Variants in MGAT4C observed in about 807,000 individuals in gnomAD.
MGAT4C encodes the protein MGAT4 family member C, also known as alpha-1,3-mannosyl-glycoprotein 4-beta-N-acetylglucosaminyltransferase C.
Under a neutral mutation model 40.1 loss-of-function variants are expected in MGAT4C, and 19 were observed. The ratio of observed to expected loss-of-function variants is 0.47; its 90% CI spans 0.33 to 0.70. MGAT4C has a LOEUF of 0.70. Ranked by LOEUF, MGAT4C falls within the 30% of genes least tolerant of loss-of-function variation. The pLI is 0.02. For missense variants in MGAT4C, 491 were observed against 563.2 expected, an observed-to-expected ratio of 0.87 and a Z score of 1.30; for synonymous variants, 181 against 187.1, an observed-to-expected ratio of 0.97 and a Z score of 0.27.
intron 2 of MGAT4C, among the ~76,000 whole-genome samples, chr12:86,573,933 CA>C (rs1471834564): frequency 6.6e-6 from 1 of 151,830 alleles, no homozygotes; most frequent in Non-Finnish European, 1.5e-5. Context: ...ATCTTCAAAG[CA>C]ACAAACTTGT....
chr12:86,049,197 C>T (rs987725496), intron 2 of MGAT4C, among the ~76,000 whole-genome samples: 1 of 151,960 alleles, frequency 6.6e-6, no homozygotes, highest in East Asian at 1.9e-4. Context: ...CAAAACTACT[C>T]ATTAACACAA....
At chr12:86,391,306 T>G (rs1956156268) in intron 3 of MGAT4C, among the ~76,000 whole-genome samples, 1 of 152,228 alleles carries the variant, frequency 6.6e-6, no homozygotes, top group Admixed American at 6.5e-5. Flanking sequence ...CTTACCTGAT[T>G]GGTACTGAGC....
chr12:86,825,064 A>G (rs752557586), intron 1 of MGAT4C, among the ~76,000 whole-genome samples: 1 of 151,376 alleles, frequency 6.6e-6, no homozygotes, highest in African/African-American at 2.4e-5. Context: ...CTAGAGTAGG[A>G]AGGAATTTAT....
intron 3 of MGAT4C, among the ~76,000 whole-genome samples, chr12:86,384,979 C>A (rs1002448005): frequency 1.3e-5 from 2 of 152,172 alleles, no homozygotes; most frequent in Admixed American, 1.3e-4. Flanking sequence ...TTCTCCTAAC[C>A]CCCATCTTTG....
chr12:86,276,645 T>C (rs1290969741), intron 4 of MGAT4C, among the ~76,000 whole-genome samples: 1 of 152,208 alleles, frequency 6.6e-6, no homozygotes, highest in East Asian at 1.9e-4. Context: ...GTTCAATCAT[T>C]TTAATTTTTA....
At chr12:86,796,391 G>T (rs1156730433) in intron 1 of MGAT4C, among the ~76,000 whole-genome samples, 2 of 151,996 alleles carry the variant, frequency 1.3e-5, no homozygotes, top group Non-Finnish European at 1.5e-5. Context: ...ATATTCTAAA[G>T]AAGAAAGTCT....
At chr12:86,199,450 T>C (rs1171490759) in intron 1 of MGAT4C, among the ~76,000 whole-genome samples, 1 of 152,156 alleles carries the variant, frequency 6.6e-6, no homozygotes, top group Non-Finnish European at 1.5e-5. Context: ...TGTATTTTTT[T>C]AAGTTTTAAA....
rs75569442 is a variant in MGAT4C, at chr12:86,543,503, T to A, written c.-228-108238A>T. On this transcript the variant is annotated intron_variant, in intron 2 of 7. Coordinates refer to the MGAT4C transcript ENST00000548651. ...AGCTATCTTTGAGGGTTTTTTTAAA[T>A]AGAAGTGTTGGAATTACATATCTAC... Among the ~76,000 whole-genome samples, 215 of 152,156 alleles carry A rather than the reference T, an allele frequency of 1.4e-3. 8 individuals carry two copies. In the East Asian group the frequency reaches 0.039, roughly 27 times the overall value.
chr12:86,616,709 T>A (rs1262592721), intron 2 of MGAT4C, among the ~76,000 whole-genome samples: 3 of 152,058 alleles, frequency 2.0e-5, no homozygotes, highest in African/African-American at 4.8e-5. Context: ...GTTTCTTTTT[T>A]TTTTTTTCTT....
At chr12:86,074,051 C>T (rs1279655836) in intron 1 of MGAT4C, among the ~76,000 whole-genome samples, 1 of 151,900 alleles carries the variant, frequency 6.6e-6, no homozygotes, top group African/African-American at 2.4e-5. Context: ...ATCATGGGGG[C>T]CAGTTTTTCT....
chr12:85,980,301 G>C lies in MGAT4C; in HGVS notation c.425C>G (p.Ala142Gly). The C allele has an allele frequency of 6.2e-7, 1 of 1,613,936 alleles. No individual in the cohort carries two copies. Among genetic ancestry groups the C allele is most frequent in the Non-Finnish European group, 8.5e-7 (1 of 1,179,900 alleles). ...LKEISVVVHL[A>G]DFNSSWRDAM... Reference sequence around the variant, plus strand: ...ATCACGCCAGGAAGAATTAAAGTCTGCTAGGTGAACCACCACTGAAATTTC... The same window carrying C: ...ATCACGCCAGGAAGAATTAAAGTCTCCTAGGTGAACCACCACTGAAATTTC... Residue 142 changes from alanine to glycine, a missense_variant, in exon 5 of 5, where the codon GCA becomes GGA. Physicochemically the swap from Ala to Gly is moderately conservative, Grantham distance 60 (BLOSUM62 0). Coordinates refer to ENST00000611864, the MANE Select transcript of MGAT4C (RefSeq NM_001351288.2).
At chr12:86,149,194 T>A (rs536427373) in intron 1 of MGAT4C, among the ~76,000 whole-genome samples, 4 of 152,310 alleles carry the variant, frequency 2.6e-5, no homozygotes, top group Non-Finnish European at 4.4e-5. Flanking sequence ...TGTTTACTTT[T>A]AAATTTTTTT....
chr12:86,618,435 AC>A (rs1461358340), intron 2 of MGAT4C, among the ~76,000 whole-genome samples: 1 of 152,204 alleles, frequency 6.6e-6, no homozygotes, highest in African/African-American at 2.4e-5. Context: ...CTGTTCATCA[AC>A]AGATGAATAG....
At chr12:86,454,398 T>C (rs1394438122) in intron 2 of MGAT4C, among the ~76,000 whole-genome samples, 1 of 152,030 alleles carries the variant, frequency 6.6e-6, no homozygotes, top group Non-Finnish European at 1.5e-5. Context: ...TGATTAATTT[T>C]TGTATTTTTT....
chr12:86,816,367 A>C lies in MGAT4C; in HGVS notation c.-262+22299T>G, dbSNP rs113371880. Among the ~76,000 whole-genome samples, 52 of 151,958 alleles carry C rather than the reference A, an allele frequency of 3.4e-4. 1 individual carries two copies. Among genetic ancestry groups the C allele is most frequent in the African/African-American group, 1.2e-3 (50 of 41,530 alleles). On this transcript the variant is annotated intron_variant, in intron 1 of 7. Transcript: ENST00000548651. Reference sequence around the variant, plus strand: ...AGTTTGTTTAAATTAGTTGACGGTAAGCTATCCCTTAATTTCTGAGAAAAC... The same window carrying C: ...AGTTTGTTTAAATTAGTTGACGGTACGCTATCCCTTAATTTCTGAGAAAAC...
intron 3 of MGAT4C, among the ~76,000 whole-genome samples, chr12:86,395,806 T>C (rs570374129): frequency 5.3e-5 from 8 of 152,308 alleles, no homozygotes; most frequent in African/African-American, 1.4e-4. Flanking sequence ...TTGTTGGCAG[T>C]GATACATTGT....
intron 2 of MGAT4C, among the ~76,000 whole-genome samples, chr12:86,543,975 G>A (rs768353299): frequency 2.0e-5 from 3 of 152,060 alleles, no homozygotes; most frequent in Admixed American, 6.6e-5. Context: ...CATCAGGGGG[G>A]CTCAGGCTAT....
intron 4 of MGAT4C, among the ~76,000 whole-genome samples, chr12:86,307,580 T>C (rs1953967355): frequency 1.3e-5 from 2 of 150,576 alleles, no homozygotes; most frequent in Non-Finnish European, 2.9e-5. Flanking sequence ...TTATATTAAA[T>C]AGAGGAAGGT....
intron 2 of MGAT4C, among the ~76,000 whole-genome samples, chr12:86,709,382 G>C (rs924551193): frequency 6.6e-6 from 1 of 152,036 alleles, no homozygotes; most frequent in African/African-American, 2.4e-5. Context: ...GTGTAAAAAT[G>C]TACTAATACA....
Sources: allele counts gnomAD v4.1 joint callset (sites outside exome capture counted in the v4.1 genomes callset), GRCh38; gene constraint gnomAD v4.1.1; transcripts MANE v1.5; gene names NCBI Gene and HGNC (gene_info 2026-07-23, HGNC 2026-07-21).